Variants in TRPM3 observed in about 807,000 individuals in gnomAD.
The protein encoded by TRPM3 is transient receptor potential cation channel subfamily M member 3.
TRPM3 carries 77 observed loss-of-function variants against 181.2 expected under a neutral mutation model. The observed-to-expected ratio is 0.42, with a 90% confidence interval of 0.35 to 0.51. The LOEUF is 0.51. Among genes scored for constraint, TRPM3 ranks in the 20% least tolerant of loss-of-function variants. TRPM3 has a pLI of 0.01. For synonymous variants in TRPM3, 745 were observed against 796.4 expected (o/e 0.94, Z 1.09); for missense variants, 1,759 against 2,196.7 (o/e 0.80, Z 3.98).
At chr9:71,335,598 A>T (rs1482869884) in intron 1 of TRPM3, among the ~76,000 whole-genome samples, 1 of 152,168 alleles carries the variant, frequency 6.6e-6, no homozygotes, top group African/African-American at 2.4e-5. Context: ...TTGAAATAAT[A>T]TAAGAAATCA....
chr9:71,044,520 T>A (rs1485798135), intron 1 of TRPM3, among the ~76,000 whole-genome samples: 3 of 152,244 alleles, frequency 2.0e-5, no homozygotes, highest in Non-Finnish European at 4.4e-5. Flanking sequence ...AAGTTAATAT[T>A]CTGAGTATTA....
At chr9:70,995,092 G>C (rs1173422663) in intron 1 of TRPM3, among the ~76,000 whole-genome samples, 1 of 152,018 alleles carries the variant, frequency 6.6e-6, no homozygotes, top group Admixed American at 6.6e-5. Flanking sequence ...CTCTCTCTGG[G>C]TGTGTCTGTG....
chr9:71,081,860 C>T (rs1478456104), intron 1 of TRPM3, among the ~76,000 whole-genome samples: 2 of 152,110 alleles, frequency 1.3e-5, no homozygotes, highest in Non-Finnish European at 2.9e-5. Flanking sequence ...TACATTCTGG[C>T]TTTTTCTTAG....
chr9:70,566,647 G>A (rs927886861), intron 22 of TRPM3, among the ~76,000 whole-genome samples: 14 of 152,168 alleles, frequency 9.2e-5, no homozygotes, highest in African/African-American at 3.4e-4. Flanking sequence ...CTCTCTTCAT[G>A]ATTTCTATTT....
intron 8 of TRPM3, among the ~76,000 whole-genome samples, chr9:70,749,461 G>T (rs943172609): frequency 1.3e-5 from 2 of 151,892 alleles, no homozygotes; most frequent in Admixed American, 1.3e-4. Flanking sequence ...TTACATTCAG[G>T]CCATGAGTGC....
In TRPM3 at chr9:70,681,544, T is replaced by C. The variant is rs1274562385; in HGVS notation, c.1307A>G (p.Gln436Arg). 6.2e-7 allele frequency: 1 copy of C among 1,613,938 alleles called. No homozygotes were observed. Among genetic ancestry groups the C allele is most frequent in the Admixed American group, 1.7e-5 (1 of 60,014 alleles). Reference sequence around the variant, plus strand: ...TGTCAGGATAGCCAAATCAATGTCCTGGTGTCCTTCTGATCCCATCCGAAA... The same window carrying C: ...TGTCAGGATAGCCAAATCAATGTCCCGGTGTCCTTCTGATCCCATCCGAAA... ...TVFRMGSEGH[Q>R]DIDLAILTAL... is the part of the protein sequence containing the mutation. The change falls in exon 9 of 26, where the codon CAG (glutamine) becomes CGG (arginine). Residue 436 changes from glutamine to arginine, a missense_variant. Transcript: ENST00000677713.
At chr9:70,934,452 T>C (rs1355690061) in intron 1 of TRPM3, among the ~76,000 whole-genome samples, 1 of 152,176 alleles carries the variant, frequency 6.6e-6, no homozygotes, top group African/African-American at 2.4e-5. Flanking sequence ...TGCATATCCA[T>C]TGTAATCTGG....
chr9:70,567,740 A>T (rs1485050031), intron 22 of TRPM3, among the ~76,000 whole-genome samples: 1 of 151,806 alleles, frequency 6.6e-6, no homozygotes, highest in African/African-American at 2.4e-5. Context: ...TCCCTTGTCG[A>T]ATTGTGAAAC....
At chr9:71,397,008 A>G (rs1380140166) in intron 1 of TRPM3, among the ~76,000 whole-genome samples, 4 of 152,080 alleles carry the variant, frequency 2.6e-5, no homozygotes, top group Non-Finnish European at 5.9e-5. Flanking sequence ...AGTGGAAGGA[A>G]AACATGCACC....
chr9:70,954,707 C>T (rs912559396), intron 1 of TRPM3, among the ~76,000 whole-genome samples: 6 of 152,132 alleles, frequency 3.9e-5, no homozygotes, highest in East Asian at 3.9e-4. Flanking sequence ...TTAGTCTTTT[C>T]ATGCAAATAT....
At chr9:71,197,931 C>T (rs1262826530) in intron 1 of TRPM3, among the ~76,000 whole-genome samples, 4 of 151,086 alleles carry the variant, frequency 2.6e-5, no homozygotes, top group Non-Finnish European at 5.9e-5. Flanking sequence ...GTGTTTCAGA[C>T]ATGAAGTCCT....
rs2041720223 is a variant in TRPM3, at chr9:70,536,266, C to A, written c.4847G>T (p.Gly1616Val). The change falls in exon 26 of 26, where the codon GGC becomes GTC. Residue 1616 changes from glycine (G) to valine (V), a missense_variant. By Grantham distance (109) the Gly-to-Val change is moderately radical. This residue lies in a region of TRPM3 where 612 missense variants were observed against 590.0 expected (regional missense o/e 1.04). Transcript: ENST00000677713. ...SSDSEENEAK[G>V]RRATIAISSQ... ...GGATATTGCAATGGTGGCTCTGCGG[C>A]CTTTGGCCTCATTCTCCTCACTGTC... 1.9e-6 allele frequency: 3 copies of A among 1,614,080 alleles called. No homozygotes were observed. The African/African-American group carries it at 4.0e-5, about 22-fold the overall frequency.
intron 1 of TRPM3, among the ~76,000 whole-genome samples, chr9:70,927,287 T>C (rs182992639): frequency 6.6e-6 from 1 of 152,318 alleles, no homozygotes; most frequent in Admixed American, 6.5e-5. Flanking sequence ...TTTCACACTT[T>C]CATGTTCTGG....
intron 1 of TRPM3, among the ~76,000 whole-genome samples, chr9:71,398,001 C>G (rs1023471315): frequency 1.3e-5 from 2 of 152,174 alleles, no homozygotes; most frequent in East Asian, 3.9e-4. Context: ...ACCAGTTTAT[C>G]CAGTTTAGAC....
At position 70,658,839 on chromosome 9, in the gene TRPM3, A is replaced by G. The variant is rs1452922929; in HGVS notation, c.1346-18179T>C. On this transcript the variant is annotated intron_variant, in intron 9 of 25. Coordinates refer to ENST00000677713, the MANE Select transcript of TRPM3 (RefSeq NM_001366145.2). ...GGACTCATGGAGAGCTGAAATGTTC[A>G]TGAATATCAAGCAGAACAGGAATTA... Among the ~76,000 whole-genome samples the G allele has an allele frequency of 2.0e-5, 3 of 152,192 alleles. No individual in the cohort carries two copies. In the East Asian group the frequency reaches 5.8e-4, roughly 29 times the overall value.
chr9:70,868,000 G>C (rs982724441), intron 1 of TRPM3, among the ~76,000 whole-genome samples: 1 of 151,976 alleles, frequency 6.6e-6, no homozygotes, highest in Non-Finnish European at 1.5e-5. Context: ...AAATAGTTTC[G>C]ATGTGCTGTG....
At chr9:71,216,421 G>A (rs975639540) in intron 1 of TRPM3, among the ~76,000 whole-genome samples, 4 of 151,794 alleles carry the variant, frequency 2.6e-5, no homozygotes, top group Non-Finnish European at 4.4e-5. Flanking sequence ...ATTGCCTAAC[G>A]GAGAAAATAT....
Position 70,828,019 on chromosome 9 carries a change from C to T in TRPM3, c.802-1G>A. On this transcript the variant is annotated splice_acceptor_variant, in intron 5 of 25. Coordinates refer to ENST00000677713, the MANE Select transcript of TRPM3 (RefSeq NM_001366145.2). LOFTEE classifies it high-confidence loss of function. The stretch of plus-strand genomic sequence containing the variant: ...ACATGGTCTGGTATGGCCGGACAAC[C>T]TGCAGGGTATCAAATGGAAGAGGCA... The T allele has an allele frequency of 6.2e-7, 1 of 1,607,758 alleles. No individual in the cohort carries two copies. Among genetic ancestry groups the T allele is most frequent in the African/African-American group, 1.3e-5 (1 of 74,836 alleles).
chr9:71,073,666 GA>G (rs2063074518), intron 1 of TRPM3, among the ~76,000 whole-genome samples: 1 of 151,828 alleles, frequency 6.6e-6, no homozygotes, highest in Admixed American at 6.6e-5. Context: ...AATTTATTTA[GA>G]AAATGTTATT....
Sources: allele counts gnomAD v4.1 joint callset (sites outside exome capture counted in the v4.1 genomes callset), GRCh38; gene constraint gnomAD v4.1.1; regional missense constraint gnomAD v4.1.1; transcripts MANE v1.5; gene names NCBI Gene and HGNC (gene_info 2026-07-23, HGNC 2026-07-21).